Variants in LCOR observed in about 807,000 individuals in gnomAD.
LCOR encodes the protein ligand dependent nuclear receptor corepressor.
Under a neutral mutation model 64.4 loss-of-function variants are expected in LCOR, and 14 were observed. The observed-to-expected ratio is 0.22, with a 90% CI of 0.14 to 0.34. The LOEUF (loss-of-function observed/expected upper bound fraction) is 0.34. Among genes scored for constraint, LCOR ranks in the 10% least tolerant of loss-of-function variants. The pLI is 1.00. For missense variants in LCOR, 1,686 were observed against 1,765.3 expected, an observed-to-expected ratio of 0.96 and a Z score of 0.80; for synonymous variants, 643 against 642.5, an observed-to-expected ratio of 1.00 and a Z score of -0.01.
At chr10:96,931,887 T>G (rs189124124) in intron 4 of LCOR, among the ~76,000 whole-genome samples, 1 of 152,318 alleles carries the variant, frequency 6.6e-6, no homozygotes, top group Non-Finnish European at 1.5e-5. Context: ...TGGGTAAATT[T>G]AAACAGTTCC....
rs746455743 is a variant in LCOR at position 96,980,992 on chromosome 10, G to C, written c.532G>C (p.Ala178Pro). 1.4e-6 allele frequency: 1 copy of C among 702,928 alleles called. No individual in the cohort carries two copies. Among genetic ancestry groups the C allele is most frequent in the South Asian group, 1.5e-5 (1 of 67,600 alleles). The allele number at this position is 702,928 out of a possible 1,614,324, so 43.5% of individuals were successfully genotyped here. The change falls in exon 8 of 8, where the codon GCT (alanine) becomes CCT (proline). Residue 178 changes from alanine to proline, a missense_variant. This residue lies in a region of LCOR where 313 missense variants were observed against 247.2 expected (regional missense o/e 1.27). Transcript: ENST00000421806. ...AGCAATGGATGTATCCACTTGCAAT[G>C]CTGGCTGTGCCCAGCTCAGCACCAA... ...SGAMDVSTCN[A>P]GCAQLSTKHK... is the part of the protein sequence containing the mutation.
chr10:96,850,642 G>C (rs1197698680), intron 2 of LCOR, among the ~76,000 whole-genome samples: 2 of 152,010 alleles, frequency 1.3e-5, no homozygotes, highest in East Asian at 1.9e-4. Context: ...ATGCCACCAG[G>C]TCTTGCTATG....
chr10:96,922,923 CTTT>C (rs1308639711), intron 4 of LCOR, among the ~76,000 whole-genome samples: 1 of 152,094 alleles, frequency 6.6e-6, no homozygotes, highest in Admixed American at 6.6e-5. Context: ...TAGTGTCAAA[CTTT>C]TTGGTTTTCT....
At chr10:96,904,691 G>T (rs1846698225) in intron 2 of LCOR, among the ~76,000 whole-genome samples, 1 of 152,148 alleles carries the variant, frequency 6.6e-6, no homozygotes, top group South Asian at 2.1e-4. Context: ...CGGCATGGCT[G>T]TCTTTTTCAG....
chr10:96,933,466 C>A (rs1435787366), intron 4 of LCOR, among the ~76,000 whole-genome samples: 3 of 151,990 alleles, frequency 2.0e-5, no homozygotes, highest in South Asian at 2.1e-4. Flanking sequence ...AACACAAGTC[C>A]CTGGTTAAGT....
chr10:96,952,012 C>A, intron 6 of LCOR, 91 bp from the exon 7 acceptor site: 2 of 826,562 alleles, frequency 2.4e-6, no homozygotes, highest in Middle Eastern at 2.3e-4. Context: ...GTTGAATAAG[C>A]CTGCTTAACT....
At chr10:96,973,890 ACT>A (rs1848017654) in intron 7 of LCOR, among the ~76,000 whole-genome samples, 1 of 152,076 alleles carries the variant, frequency 6.6e-6, no homozygotes, top group African/African-American at 2.4e-5. Flanking sequence ...TAAATTCTAG[ACT>A]CTCAGACTTG....
At chr10:96,865,038 A>G (rs953229642) in intron 2 of LCOR, among the ~76,000 whole-genome samples, 1 of 152,176 alleles carries the variant, frequency 6.6e-6, no homozygotes, top group Non-Finnish European at 1.5e-5. Context: ...GAGACGAGAG[A>G]TTAGTAGGTG....
intron 2 of LCOR, among the ~76,000 whole-genome samples, chr10:96,838,690 T>C (rs760115893): frequency 2.6e-5 from 4 of 152,254 alleles, no homozygotes; most frequent in Non-Finnish European, 5.9e-5. Context: ...TAACACTGCA[T>C]TGTGTGGACA....
chr10:96,848,285 C>A (rs1472032763), intron 2 of LCOR, among the ~76,000 whole-genome samples: 2 of 152,178 alleles, frequency 1.3e-5, no homozygotes, highest in Non-Finnish European at 2.9e-5. Context: ...GACTCAGGAA[C>A]AGAAGTATAA....
At chr10:96,957,231 A>G (rs1325705436) in intron 7 of LCOR, 2 of 985,006 alleles carry the variant, frequency 2.0e-6, no homozygotes, top group Non-Finnish European at 2.4e-6. Context: ...GGCATCCTAC[A>G]TAATACCCCC....
chr10:96,833,227 C>T (rs1845377823), intron 1 of LCOR, 179 bp from the exon 2 acceptor site: 1 of 978,638 alleles, frequency 1.0e-6, no homozygotes. Context: ...GGGGATTGGC[C>T]GGAGCCGCAG....
chr10:96,945,617 AGTATAAACAAC>A (rs1227374310), intron 5 of LCOR, among the ~76,000 whole-genome samples: 1 of 152,120 alleles, frequency 6.6e-6, no homozygotes, highest in East Asian at 1.9e-4. Context: ...AGCAAATTTA[AGTATAAACAAC>A]TTATAGAGCA....
intron 7 of LCOR, among the ~76,000 whole-genome samples, chr10:96,970,424 T>C (rs984919963): frequency 2.0e-5 from 3 of 151,490 alleles, no homozygotes; most frequent in Non-Finnish European, 4.4e-5. Flanking sequence ...GAGTAAAAAA[T>C]AAATTGACTT....
intron 4 of LCOR, among the ~76,000 whole-genome samples, chr10:96,911,958 G>A (rs2134458405): frequency 6.6e-6 from 1 of 151,720 alleles, no homozygotes; most frequent in South Asian, 2.1e-4. Context: ...TTGTGAGATG[G>A]AGTCTCACTG....
intron 2 of LCOR, among the ~76,000 whole-genome samples, chr10:96,845,794 A>G (rs543997006): frequency 6.6e-6 from 1 of 151,986 alleles, no homozygotes; most frequent in East Asian, 1.9e-4. Flanking sequence ...TTACAGTAAA[A>G]TACTGTAATT....
At chr10:96,875,458 T>C (rs955549752) in intron 2 of LCOR, among the ~76,000 whole-genome samples, 1 of 152,194 alleles carries the variant, frequency 6.6e-6, no homozygotes, top group Admixed American at 6.5e-5. Context: ...GTTGCCCCTT[T>C]TTCTGCAGTG....
rs568528706 is a variant in LCOR, at chr10:96,974,032, T to C, written c.333-6761T>C. Among the ~76,000 whole-genome samples, 63 of 152,340 alleles carry C rather than the reference T, an allele frequency of 4.1e-4. 1 individual carries two copies. The highest frequency in any genetic ancestry group is 1.3e-3 in the African/African-American group (56 of 41,578). On this transcript the variant is annotated intron_variant, in intron 7 of 7. Transcript: ENST00000421806. ...AGAAATTAAATGTTGTGTTATTGAC[T>C]TGGTAGGCAAGTTAAGCTGTGTCTA...
chr10:96,975,216 T>C (rs1283609542), intron 7 of LCOR, among the ~76,000 whole-genome samples: 4 of 151,932 alleles, frequency 2.6e-5, no homozygotes, highest in Non-Finnish European at 5.9e-5. Flanking sequence ...TAAGAAAAAT[T>C]CCAGAAAAAA....
Sources: gnomAD v4.1 joint callset for allele counts (sites outside exome capture counted in the v4.1 genomes callset) on GRCh38, gnomAD v4.1.1 for gene constraint, gnomAD v4.1.1 regional missense constraint, MANE v1.5 for transcripts, NCBI Gene and HGNC (gene_info 2026-07-23, HGNC 2026-07-21) for gene names.